The following ZNF341 variants were observed in gnomAD, a reference collection of about 807,000 sequenced individuals.
ZNF341 encodes the protein zinc finger protein 341.
A neutral mutation model predicts 87.7 loss-of-function variants in ZNF341; 52 were observed. That is an observed-to-expected ratio of 0.59 (90% CI 0.47 to 0.75). ZNF341 has a LOEUF of 0.75. ZNF341 is among the 30% of genes least tolerant of loss of function. The pLI is 0.00. For synonymous variants in ZNF341, 459 were observed against 472.7 expected (o/e 0.97, Z 0.38); for missense variants, 977 against 1,145.9 (o/e 0.85, Z 2.13).
intron 4 of ZNF341, among the ~76,000 whole-genome samples, chr20:33,751,642 C>T (rs112821113): frequency 8.3e-4 from 126 of 152,220 alleles, no homozygotes; most frequent in African/African-American, 2.8e-3. Context: ...GGTGCAATTT[C>T]GGCTCACTGC....
At chr20:33,778,630 C>T (rs1384641985) in intron 10 of ZNF341, among the ~76,000 whole-genome samples, 4 of 152,086 alleles carry the variant, frequency 2.6e-5, no homozygotes, top group Non-Finnish European at 5.9e-5. Context: ...TTTCAGAGTG[C>T]GCCTGGCTAG....
chr20:33,768,615 G>A (rs2019460341), intron 9 of ZNF341, among the ~76,000 whole-genome samples: 1 of 151,782 alleles, frequency 6.6e-6, no homozygotes, highest in African/African-American at 2.4e-5. Context: ...TAGAGATGGG[G>A]TTTCACCATG....
At chr20:33,763,390 CCAAGCT>C (rs1363675930) in intron 8 of ZNF341, among the ~76,000 whole-genome samples, 4 of 152,160 alleles carry the variant, frequency 2.6e-5, no homozygotes, top group Middle Eastern at 3.2e-3. Flanking sequence ...CCGCTGCCTT[CCAAGCT>C]CAAGTGATCC....
intron 11 of ZNF341, among the ~76,000 whole-genome samples, chr20:33,781,913 T>A (rs1419226950): frequency 6.6e-6 from 1 of 151,804 alleles, no homozygotes; most frequent in Non-Finnish European, 1.5e-5. Flanking sequence ...CTCCTGGGCT[T>A]AAGGGACCTG....
chr20:33,749,192 G>GA, intron 4 of ZNF341, 120 bp downstream of exon 4: 2 of 1,362,384 alleles, frequency 1.5e-6, no homozygotes, highest in Non-Finnish European at 2.0e-6. Flanking sequence ...TGCTGAGGGA[G>GA]GCTATCAGCT....
At position 33,757,186 on chromosome 20, in the gene ZNF341, C is replaced by T. The variant is rs1157635245; in HGVS notation, c.780C>T (p.Thr260=). The T allele has an allele frequency of 1.3e-6, 2 of 1,528,376 alleles. No homozygotes were observed. The highest frequency in any genetic ancestry group is 1.8e-6 in the Non-Finnish European group (2 of 1,138,324). The allele number at this position is 1,528,376 out of a possible 1,614,324, so 94.7% of individuals were successfully genotyped here. ...NQCVEPPVYP[T]PTVYSPGKQG... ...GTGTGGAGCCTCCAGTATATCCCAC[C>T]CCCACAGTGTACAGCCCTGGCAAAC... The change falls in exon 6 of 15, where the codon ACC becomes ACT. Residue 260 remains threonine, a synonymous_variant. Transcript: ENST00000375200.
Position 33,791,602 on chromosome 20 carries a change from C to A in ZNF341, c.*85C>A. 2 of 1,382,498 alleles carry A rather than the reference C, an allele frequency of 1.4e-6. No homozygotes were observed. The highest frequency in any genetic ancestry group is 2.5e-5 in the East Asian group (1 of 39,892). 85.6% of individuals were successfully genotyped at this position (1,382,498 alleles called of 1,614,324 possible). A position where few individuals can be genotyped will look rare whatever the true frequency, so the allele number is the denominator to read the frequency against. ...CTGGGGGCAGACCGGTGATCCTTAC[C>A]AGTGGAAGCGAGCCATCGAGCCATT... is the stretch of plus-strand genomic sequence containing the variant. On this transcript the variant is annotated 3_prime_UTR_variant, in exon 15 of 15. Coordinates refer to ENST00000375200, the MANE Select transcript of ZNF341 (RefSeq NM_001282933.2).
At chr20:33,775,949 C>T (rs2019618308) in intron 10 of ZNF341, among the ~76,000 whole-genome samples, 3 of 152,140 alleles carry the variant, frequency 2.0e-5, no homozygotes, top group Admixed American at 2.0e-4. Context: ...ATCCACCCTC[C>T]TCAGCCTCCC....
intron 2 of ZNF341, among the ~76,000 whole-genome samples, chr20:33,742,455 A>G (rs6142011): frequency 0.19 from 28,732 of 151,918 alleles, 3,098 homozygotes; most frequent in East Asian, 0.53. Flanking sequence ...TCGGCCTCCC[A>G]AAGTGCTGGG....
intron 14 of ZNF341, 132 bp downstream of exon 14, chr20:33,789,720 C>T (rs761008129): frequency 3.1e-6 from 3 of 980,988 alleles, no homozygotes; most frequent in African/African-American, 1.6e-5. Context: ...CCAGCCAGCA[C>T]TTTCACTTAT....
chr20:33,744,957 G>T (rs533980586), intron 2 of ZNF341, 146 bp from the exon 3 acceptor site: 15 of 695,838 alleles, frequency 2.2e-5, no homozygotes, highest in Admixed American at 8.5e-5. Context: ...ATGTCAAGTC[G>T]CAGCATGCCC....
chr20:33,756,815 C>T (rs2019186646), intron 5 of ZNF341, among the ~76,000 whole-genome samples: 1 of 152,186 alleles, frequency 6.6e-6, no homozygotes, highest in African/African-American at 2.4e-5. Flanking sequence ...ACAGTAACCG[C>T]ATGAGAGGGG....
chr20:33,781,203 CT>C (rs2019735679), intron 10 of ZNF341, 87 bp from the exon 11 acceptor site: 2 of 902,176 alleles, frequency 2.2e-6, no homozygotes, highest in Non-Finnish European at 3.7e-6. Flanking sequence ...AGGATGTTGC[CT>C]CCTAATGTTG....
Position 33,783,993 on chromosome 20 carries a change from C to T in ZNF341, c.1852+129C>T. ...TGTCTCCCTCAGCCCCTTTTCCCTC[C>T]ACTTCTCCATCTCCCTCCCCATCTC... On this transcript the variant is annotated intron_variant, in intron 12 of 14. Transcript: ENST00000375200. 4.6e-6 allele frequency: 4 copies of T among 872,948 alleles called. No homozygotes were observed. In the South Asian group the frequency reaches 6.8e-5, roughly 15 times the overall value. The allele number at this position is 872,948 out of a possible 1,614,324, so 54.1% of individuals were successfully genotyped here.
intron 1 of ZNF341, among the ~76,000 whole-genome samples, chr20:33,735,703 C>T (rs185034315): frequency 1.3e-5 from 2 of 152,260 alleles, no homozygotes; most frequent in African/African-American, 2.4e-5. Context: ...AGAGATCCCA[C>T]GTGTCCTTGA....
intron 10 of ZNF341, 38 bp downstream of exon 10, chr20:33,770,330 GT>G: frequency 6.8e-7 from 1 of 1,468,374 alleles, no homozygotes; most frequent in Admixed American, 1.7e-5. Flanking sequence ...GGGTGGACGG[GT>G]GGGTGGGCAG....
chr20:33,732,233 G>C lies in ZNF341; in HGVS notation c.31+181G>C, dbSNP rs558784381. Among the ~76,000 whole-genome samples the C allele has an allele frequency of 1.3e-5, 2 of 150,028 alleles. No homozygotes were observed. The highest frequency in any genetic ancestry group is 4.2e-4 in the South Asian group (2 of 4,804). On this transcript the variant is annotated intron_variant, in intron 1 of 14. Transcript: ENST00000375200. This position sits in a 1 kb window ranked among gnomAD's most constrained non-coding sequence, Gnocchi z 4.5. ...GCGCGGGAGCCGAGGCCCGGCGGGG[G>C]AGCTCCGGGGCCGGAACAGCCGGGG...
chr20:33,753,047 T>G, intron 4 of ZNF341, 125 bp from the exon 5 acceptor site: 1 of 1,377,904 alleles, frequency 7.3e-7, no homozygotes. Context: ...TCTTAGCCCC[T>G]CTCCTGAGCT....
chr20:33,778,743 G>A (rs985408602), intron 10 of ZNF341, among the ~76,000 whole-genome samples: 2 of 152,164 alleles, frequency 1.3e-5, no homozygotes, highest in African/African-American at 2.4e-5. Flanking sequence ...CCTGCCTTTT[G>A]GTTTTTGCTT....
Sources: gnomAD v4.1 joint callset for allele counts (sites outside exome capture counted in the v4.1 genomes callset) on GRCh38, gnomAD v4.1.1 for gene constraint, Gnocchi (gnomAD v3.1) non-coding constraint, MANE v1.5 for transcripts, NCBI Gene and HGNC (gene_info 2026-07-23, HGNC 2026-07-21) for gene names.